GK: variants seen among roughly 807,000 people sequenced by gnomAD.
The protein encoded by GK is glycerol kinase.
Under a neutral mutation model 56.4 loss-of-function variants are expected in GK, and 9 were observed. The ratio of observed to expected loss-of-function variants is 0.16; its 90% CI spans 0.10 to 0.28. The LOEUF (loss-of-function observed/expected upper bound fraction) is 0.28. GK is among the 10% of genes least tolerant of loss of function. GK has a pLI of 1.00. For missense variants in GK, 161 were observed against 431.4 expected (o/e 0.37, Z 5.55); for synonymous variants, 104 against 144.1 (o/e 0.72, Z 1.99).
At chrX:30,714,133 A>G (rs910188407) in intron 13 of GK, among the ~76,000 whole-genome samples, 15 of 111,979 alleles carry the variant, frequency 1.3e-4, no homozygotes, top group African/African-American at 4.9e-4. Flanking sequence ...TGGTTTAACG[A>G]TTATAGCGTT....
Position 30,718,476 on chromosome X carries a change from C to G in GK, c.976-62C>G, listed in dbSNP as rs763936568. On this transcript the variant is annotated intron_variant, in intron 13 of 20. Coordinates refer to ENST00000427190, the MANE Select transcript of GK (RefSeq NM_001205019.2). ...CTGATTGTGTCATACACAGAATATGCTCAATAAAAACCTTGGATAGTGATA... is the reference window on the plus strand; with the variant it reads ...CTGATTGTGTCATACACAGAATATGGTCAATAAAAACCTTGGATAGTGATA... 3.4e-5 allele frequency: 25 copies of G among 741,115 alleles called. No homozygotes were observed. The Admixed American group carries it at 4.4e-4, about 13-fold the overall frequency. 61.1% of individuals were successfully genotyped at this position (741,115 alleles called of 1,213,427 possible).
At chrX:30,687,757 CCAGCTTGGGA>C (rs774471662) in intron 4 of GK, 4 of 258,330 alleles carry the variant, frequency 1.5e-5, no homozygotes, top group African/African-American at 1.1e-4. Context: ...GCTTAGTCCT[CCAGCTTGGGA>C]GTCTTCTCTT....
At chrX:30,657,210 T>C (rs905261289) in intron 1 of GK, among the ~76,000 whole-genome samples, 10 of 112,769 alleles carry the variant, frequency 8.9e-5, no homozygotes, top group Non-Finnish European at 1.9e-4. Context: ...TTGGGTACGT[T>C]TGGTTACTTA....
chrX:30,722,891 G>C (rs1241643725), intron 18 of GK, among the ~76,000 whole-genome samples: 1 of 111,098 alleles, frequency 9.0e-6, no homozygotes, highest in African/African-American at 3.3e-5. Flanking sequence ...AAGTCTGGGA[G>C]GCTTGAGAGA....
chrX:30,687,059 A>G (rs993438172), intron 4 of GK, among the ~76,000 whole-genome samples: 6 of 110,984 alleles, frequency 5.4e-5, no homozygotes, highest in African/African-American at 2.0e-4. Flanking sequence ...TTTCTTGGGG[A>G]CCTGCCTTCC....
At chrX:30,664,792 T>C (rs1446616698) in intron 1 of GK, among the ~76,000 whole-genome samples, 1 of 98,384 alleles carries the variant, frequency 1.0e-5, no homozygotes, top group Non-Finnish European at 2.0e-5. Context: ...CTCCATCTCC[T>C]GGGTGGGTTC....
At chrX:30,720,536 G>C in intron 16 of GK, 85 bp from the exon 17 acceptor site, 1 of 867,248 alleles carries the variant, frequency 1.2e-6, no homozygotes, top group Middle Eastern at 4.1e-4. Context: ...GGAAGCTCTT[G>C]AGAGTTTCTG....
At chrX:30,674,465 T>C (rs1223801324) in intron 3 of GK, 1 of 308,039 alleles carries the variant, frequency 3.2e-6, no homozygotes, top group Non-Finnish European at 6.3e-6. Flanking sequence ...CCACTTGTGC[T>C]GGTAATCCAT....
Position 30,656,543 on chromosome X carries a change from T to C in GK, c.78+2928T>C, listed in dbSNP as rs184338107. 4.2e-3 allele frequency among the ~76,000 whole-genome samples: 465 copies of C among 111,894 alleles called. 6 individuals are homozygous for C. Among genetic ancestry groups the C allele is most frequent in the African/African-American group, 0.014 (437 of 30,832 alleles). On this transcript the variant is annotated intron_variant, in intron 1 of 20. Transcript: ENST00000427190. ...ACATATCCGCTTCTCTACCTCTAAATAGTGGCTCAACTGCCACCTTTTAGT... is the reference window on the plus strand; with the variant it reads ...ACATATCCGCTTCTCTACCTCTAAACAGTGGCTCAACTGCCACCTTTTAGT...
chrX:30,726,615 A>C (rs751748164), intron 19 of GK, among the ~76,000 whole-genome samples: 1 of 111,980 alleles, frequency 8.9e-6, no homozygotes, highest in South Asian at 3.7e-4. Flanking sequence ...AGATTTATGA[A>C]AAACACTCTA....
intron 3 of GK, among the ~76,000 whole-genome samples, chrX:30,673,990 T>G (rs185772128): frequency 1.9e-4 from 21 of 111,822 alleles, no homozygotes; most frequent in African/African-American, 5.8e-4. Flanking sequence ...TTATTTGCCC[T>G]CCTTAGCTCA....
At chrX:30,662,832 T>TTTC (rs1197686184) in intron 1 of GK, among the ~76,000 whole-genome samples, 4 of 619 alleles carry the variant, frequency 6.5e-3, no homozygotes, top group African/African-American at 8.5e-3. Context: ...TCTCTCTCTC[T>TTTC]CTTTCTTTCT....
intron 1 of GK, among the ~76,000 whole-genome samples, chrX:30,663,831 T>C (rs1337574522): frequency 1.4e-4 from 15 of 105,754 alleles, no homozygotes; most frequent in Non-Finnish European, 3.9e-5. Flanking sequence ...AAGTTAATTT[T>C]AATCAAAATA....
chrX:30,726,529 C>A (rs901352781), intron 19 of GK, among the ~76,000 whole-genome samples: 1 of 111,392 alleles, frequency 9.0e-6, no homozygotes, highest in Non-Finnish European at 1.9e-5. Flanking sequence ...TCAGGTGATC[C>A]GCCCACCTCA....
chrX:30,678,078 A>G (rs1934036827), intron 4 of GK: 1 of 522,709 alleles, frequency 1.9e-6, no homozygotes, highest in South Asian at 2.5e-5. Context: ...TTACCTCCTT[A>G]CCCTCAAAAA....
chrX:30,722,851 C>T (rs184846886), intron 18 of GK, among the ~76,000 whole-genome samples: 1 of 111,225 alleles, frequency 9.0e-6, no homozygotes, highest in African/African-American at 3.3e-5. Context: ...GCCTTCTCTC[C>T]TGGGTGTTGC....
chrX:30,708,497 C>A (rs1936149428), intron 13 of GK, among the ~76,000 whole-genome samples: 2 of 110,175 alleles, frequency 1.8e-5, no homozygotes, highest in Admixed American at 1.9e-4. Context: ...ATAAAATGCT[C>A]CAGTGTTCCA....
At chrX:30,726,995 AT>A (rs901406761) in intron 19 of GK, among the ~76,000 whole-genome samples, 1 of 112,783 alleles carries the variant, frequency 8.9e-6, no homozygotes, top group Non-Finnish European at 1.9e-5. Context: ...TATTAAAAAA[AT>A]AAAACTGAAC....
rs1937300044 is a variant in GK at position 30,730,275 on chromosome X, TG to T, written c.*1535del. ...TTACTATAAAAGGTTCTGTTTTGTT[TG>T]GAATCAATGGTAGCTTTATTGACTG... is the stretch of plus-strand genomic sequence containing the variant. On this transcript the variant is annotated 3_prime_UTR_variant, in exon 21 of 21. Transcript: ENST00000427190. 1 of 112,091 alleles carries T rather than the reference TG, an allele frequency of 8.9e-6. No homozygotes were observed. The highest frequency in any genetic ancestry group is 1.9e-5 in the Non-Finnish European group (1 of 53,236). The allele number at this position is 112,091 out of a possible 1,213,427, so 9.2% of individuals were successfully genotyped here.
Sources: allele counts gnomAD v4.1 joint callset (sites outside exome capture counted in the v4.1 genomes callset), GRCh38; gene constraint gnomAD v4.1.1; transcripts MANE v1.5; gene names NCBI Gene and HGNC (gene_info 2026-07-23, HGNC 2026-07-21).